CNNM2: variants seen among roughly 807,000 people sequenced by gnomAD.
CNNM2 encodes the protein metal transporter CNNM2.
CNNM2 carries 12 observed loss-of-function variants against 66.9 expected under a neutral mutation model. That is an observed-to-expected ratio of 0.18 (90% confidence interval 0.11 to 0.29). The LOEUF is 0.29. CNNM2 is among the 10% of genes least tolerant of loss of function. The probability of loss-of-function intolerance (pLI) is 1.00; values close to 1 mark genes in which losing one functional copy is unlikely to be tolerated. For synonymous variants in CNNM2, 557 were observed against 501.8 expected (o/e 1.11, Z -1.47); for missense variants, 705 against 1,167.7 (o/e 0.60, Z 5.77).
intron 1 of CNNM2, among the ~76,000 whole-genome samples, chr10:102,924,452 ATGT>A (rs1027848354): frequency 6.6e-5 from 10 of 152,196 alleles, no homozygotes; most frequent in African/African-American, 1.7e-4. Flanking sequence ...TCACCAGATA[ATGT>A]TGTTCTTCAA....
rs11300982 is a variant in CNNM2 at position 103,032,661 on chromosome 10, CTT to C, written c.1622-17026_1622-17025del. Among the ~76,000 whole-genome samples, 25,500 of 120,496 alleles carry C rather than the reference CTT, an allele frequency of 0.21. 2,303 individuals carry two copies. Among genetic ancestry groups the C allele is most frequent in the Non-Finnish European group, 0.22 (13,229 of 59,334 alleles). The allele number at this position is 120,496 out of a possible 152,430, so 79.1% of individuals were successfully genotyped here. The stretch of plus-strand genomic sequence containing the variant: ...GCCTTTCATAACAATTGATGTAGCT[CTT>C]TTTTTTTTTTTTTTTTTTTAAATAG... On this transcript the variant is annotated intron_variant, in intron 1 of 7. Transcript: ENST00000369878.
At chr10:102,926,819 C>G (rs982370447) in intron 1 of CNNM2, among the ~76,000 whole-genome samples, 8 of 150,674 alleles carry the variant, frequency 5.3e-5, no homozygotes, top group African/African-American at 1.7e-4. Context: ...GGGCTCATGC[C>G]ATTCTCATGC....
chr10:102,931,450 C>T (rs750115404), intron 1 of CNNM2, among the ~76,000 whole-genome samples: 6 of 151,040 alleles, frequency 4.0e-5, no homozygotes, highest in African/African-American at 1.2e-4. Flanking sequence ...TCCGCCTTCC[C>T]GGGTTCAAGT....
intron 4 of CNNM2, among the ~76,000 whole-genome samples, chr10:103,067,528 G>A (rs1295769758): frequency 2.0e-5 from 3 of 152,114 alleles, no homozygotes; most frequent in Non-Finnish European, 2.9e-5. Context: ...TCAATACATG[G>A]CATCTTAATT....
chr10:102,932,971 C>T (rs1846117502), intron 1 of CNNM2, among the ~76,000 whole-genome samples: 1 of 151,156 alleles, frequency 6.6e-6, no homozygotes, highest in South Asian at 2.1e-4. Context: ...ACTTCTGAAC[C>T]TTAAGATCTG....
At chr10:102,977,011 G>A (rs1200625406) in intron 1 of CNNM2, among the ~76,000 whole-genome samples, 1 of 152,048 alleles carries the variant, frequency 6.6e-6, no homozygotes, top group Non-Finnish European at 1.5e-5. Flanking sequence ...GCTGATAATT[G>A]GTCAAGTTGG....
At chr10:102,942,238 T>A (rs1467177719) in intron 1 of CNNM2, among the ~76,000 whole-genome samples, 2 of 152,242 alleles carry the variant, frequency 1.3e-5, no homozygotes, top group Non-Finnish European at 2.9e-5. Context: ...TAGTATTAAG[T>A]ACATTCACAT....
intron 1 of CNNM2, among the ~76,000 whole-genome samples, chr10:103,009,977 A>G (rs935208803): frequency 3.9e-5 from 6 of 152,248 alleles, no homozygotes; most frequent in East Asian, 1.9e-4. Flanking sequence ...AAAATTGCGA[A>G]GAACGTATTA....
chr10:102,996,712 G>T (rs1220096753), intron 1 of CNNM2, among the ~76,000 whole-genome samples: 2 of 152,178 alleles, frequency 1.3e-5, no homozygotes, highest in East Asian at 3.8e-4. Context: ...TTTGATTTGT[G>T]AATAGGTTGA....
rs1715910818 is a variant in CNNM2, at chr10:103,082,668, G to T, written c.*5488G>T. The T allele has an allele frequency of 1.3e-5, 2 of 152,210 alleles. No homozygotes were observed. The allele number at this position is 152,210 out of a possible 1,614,324, so 9.4% of individuals were successfully genotyped here. A position where few individuals can be genotyped will look rare whatever the true frequency, so the allele number is the denominator to read the frequency against. On this transcript the variant is annotated 3_prime_UTR_variant, in exon 8 of 8. Coordinates refer to ENST00000369878, the MANE Select transcript of CNNM2 (RefSeq NM_017649.5). Reference sequence around the variant, plus strand: ...TTAAGGCGGGTGAGAGGGTAGTGTTGTTTTTTATAAACAGGTTGCTGCTTT... The same window carrying T: ...TTAAGGCGGGTGAGAGGGTAGTGTTTTTTTTTATAAACAGGTTGCTGCTTT...
rs370420149 is a variant in CNNM2, at chr10:103,007,876, G to A, written c.1622-41831G>A. On this transcript the variant is annotated intron_variant, in intron 1 of 7. Coordinates refer to ENST00000369878, the MANE Select transcript of CNNM2 (RefSeq NM_017649.5). Reference sequence around the variant, plus strand: ...ATTAAGAGATTAAAATAAGACAGGCGTTAAGAAATTATAAAAGTATTAATT... The same window carrying A: ...ATTAAGAGATTAAAATAAGACAGGCATTAAGAAATTATAAAAGTATTAATT... 7.9e-4 allele frequency among the ~76,000 whole-genome samples: 121 copies of A among 152,310 alleles called. No homozygotes were observed. The highest frequency in any genetic ancestry group is 2.7e-3 in the African/African-American group (112 of 41,572).
In CNNM2 at chr10:102,931,648, C is replaced by A. The variant is rs540956991; in HGVS notation, c.1621+11547C>A. On this transcript the variant is annotated intron_variant, in intron 1 of 7. Transcript: ENST00000369878. The stretch of plus-strand genomic sequence containing the variant: ...CTGGGATTCCAGGCGTGAGTCACAG[C>A]GCCCGGCCATGGACATTTATTTCTA... 7.2e-4 allele frequency among the ~76,000 whole-genome samples: 110 copies of A among 152,108 alleles called. 1 individual carries two copies. The highest frequency in any genetic ancestry group is 2.6e-3 in the African/African-American group (107 of 41,500).
intron 1 of CNNM2, among the ~76,000 whole-genome samples, chr10:103,006,926 C>T (rs11191504): frequency 6.6e-6 from 1 of 152,238 alleles, no homozygotes; most frequent in African/African-American, 2.4e-5. Context: ...GCCTCCACCC[C>T]TGGCCCATTT....
intron 1 of CNNM2, among the ~76,000 whole-genome samples, chr10:102,948,738 G>A (rs1025022440): frequency 3.3e-5 from 5 of 152,160 alleles, no homozygotes; most frequent in African/African-American, 1.2e-4. Context: ...GAAAAGATGT[G>A]GAGAGACAGA....
At position 103,090,106 on chromosome 10, in the gene CNNM2, C is replaced by A. The variant is rs1325076379; in HGVS notation, c.*12926C>A. On this transcript the variant is annotated 3_prime_UTR_variant, in exon 8 of 8. Transcript: ENST00000369878. The stretch of plus-strand genomic sequence containing the variant: ...CTCTCCCTGCCCCTCAAAATGGTGC[C>A]CATATTGTCTACTGCAGCTGGAAAT... The A allele has an allele frequency of 8.6e-6, 4 of 463,038 alleles. No individual in the cohort carries two copies. The highest frequency in any genetic ancestry group is 1.5e-5 in the Non-Finnish European group (4 of 265,536). 28.7% of individuals were successfully genotyped at this position (463,038 alleles called of 1,614,324 possible). A position where few individuals can be genotyped will look rare whatever the true frequency, so the allele number is the denominator to read the frequency against.
intron 1 of CNNM2, among the ~76,000 whole-genome samples, chr10:102,921,958 T>C (rs1411470467): frequency 1.3e-5 from 2 of 152,230 alleles, no homozygotes; most frequent in African/African-American, 4.8e-5. Context: ...AAATTTGTGC[T>C]TGATTGACCT....
At chr10:103,036,380 G>A (rs2064939462) in intron 1 of CNNM2, among the ~76,000 whole-genome samples, 2 of 152,148 alleles carry the variant, frequency 1.3e-5, no homozygotes, top group Non-Finnish European at 2.9e-5. Context: ...TCTACCAAGA[G>A]TGATCTCCCT....
At chr10:102,955,669 A>C (rs1398886393) in intron 1 of CNNM2, among the ~76,000 whole-genome samples, 2 of 152,188 alleles carry the variant, frequency 1.3e-5, no homozygotes, top group Non-Finnish European at 1.5e-5. Context: ...AACTTAAACA[A>C]ATTTACAAGA....
chr10:103,036,807 CTAAAGCA>C (rs2064948024), intron 1 of CNNM2, among the ~76,000 whole-genome samples: 1 of 152,128 alleles, frequency 6.6e-6, no homozygotes, highest in African/African-American at 2.4e-5. Flanking sequence ...AACTTAAACA[CTAAAGCA>C]TAAGGGCCAC....
Sources: allele counts gnomAD v4.1 joint callset (sites outside exome capture counted in the v4.1 genomes callset), GRCh38; gene constraint gnomAD v4.1.1; transcripts MANE v1.5; gene names NCBI Gene and HGNC (gene_info 2026-07-23, HGNC 2026-07-21).